KCNIP1: variants seen among roughly 807,000 people sequenced by gnomAD.
KCNIP1 encodes the protein A-type potassium channel modulatory protein KCNIP1.
Under a neutral mutation model 33.0 loss-of-function variants are expected in KCNIP1, and 18 were observed. That is an observed-to-expected ratio of 0.55 (90% CI 0.38 to 0.81). The LOEUF is 0.81. KCNIP1 is among the 30% of genes least tolerant of loss of function. The pLI, the probability that KCNIP1 is intolerant of heterozygous loss-of-function variation, is 0.00. For synonymous variants in KCNIP1, 93 were observed against 98.3 expected, an observed-to-expected ratio of 0.95 and a Z score of 0.32; for missense variants, 238 against 271.6, an observed-to-expected ratio of 0.88 and a Z score of 0.87.
At chr5:170,394,389 C>G (rs1301359463) in intron 1 of KCNIP1, among the ~76,000 whole-genome samples, 1 of 152,156 alleles carries the variant, frequency 6.6e-6, no homozygotes, top group Admixed American at 6.5e-5. Context: ...GGACTGGAAC[C>G]GTTCTTATTC....
intron 1 of KCNIP1, among the ~76,000 whole-genome samples, chr5:170,654,302 G>A (rs1316601215): frequency 3.3e-5 from 5 of 152,180 alleles, no homozygotes. Flanking sequence ...CAGGCACTGT[G>A]CTTCAGGGCC....
At position 170,478,199 on chromosome 5, in the gene KCNIP1, G is replaced by A. The variant is rs527812265; in HGVS notation, c.88+124235G>A. Among the ~76,000 whole-genome samples, 7 of 152,176 alleles carry A rather than the reference G, an allele frequency of 4.6e-5. No individual in the cohort carries two copies. The South Asian group carries it at 1.5e-3, about 32-fold the overall frequency. On this transcript the variant is annotated intron_variant, in intron 1 of 7. Transcript: ENST00000377360. The stretch of plus-strand genomic sequence containing the variant: ...CGGGAAGGGGCAGGTAAAGATTTGG[G>A]GCTTTATCCAAATGGACTTTATTGT...
At chr5:170,493,867 T>C (rs1757256822) in intron 1 of KCNIP1, among the ~76,000 whole-genome samples, 1 of 152,230 alleles carries the variant, frequency 6.6e-6, no homozygotes, top group Non-Finnish European at 1.5e-5. Flanking sequence ...TAGTGCATAC[T>C]CCACTCTCTC....
intron 1 of KCNIP1, among the ~76,000 whole-genome samples, chr5:170,568,097 C>T (rs4867979): frequency 0.36 from 55,196 of 152,052 alleles, 10,752 homozygotes; most frequent in Admixed American, 0.44. Context: ...AAAATGGGAT[C>T]GATAACAGAG....
intron 1 of KCNIP1, among the ~76,000 whole-genome samples, chr5:170,698,740 A>C (rs934104058): frequency 3.9e-5 from 6 of 152,204 alleles, no homozygotes; most frequent in African/African-American, 1.4e-4. Context: ...CAGAAGGTAG[A>C]AAAAGATTGT....
chr5:170,618,622 T>G (rs1428191019), intron 1 of KCNIP1, among the ~76,000 whole-genome samples: 1 of 151,486 alleles, frequency 6.6e-6, no homozygotes, highest in East Asian at 1.9e-4. Flanking sequence ...AAGGGCAATG[T>G]AACTGAGGAG....
chr5:170,600,080 G>A (rs1030652978), intron 1 of KCNIP1, among the ~76,000 whole-genome samples: 1 of 151,890 alleles, frequency 6.6e-6, no homozygotes, highest in African/African-American at 2.4e-5. Context: ...GTTCTCTCAG[G>A]GTCACCCCTT....
chr5:170,380,356 C>T (rs1764190366), intron 1 of KCNIP1, among the ~76,000 whole-genome samples: 1 of 152,232 alleles, frequency 6.6e-6, no homozygotes, highest in African/African-American at 2.4e-5. Context: ...GTGATTCCTT[C>T]ATGCACTTAA....
intron 1 of KCNIP1, among the ~76,000 whole-genome samples, chr5:170,369,431 G>C (rs1284975630): frequency 5.9e-5 from 9 of 152,178 alleles, no homozygotes; most frequent in Admixed American, 5.9e-4. Flanking sequence ...TCCATAAGCT[G>C]CTCATCCCTG....
chr5:170,411,878 G>T (rs1755199966), intron 1 of KCNIP1, among the ~76,000 whole-genome samples: 1 of 152,166 alleles, frequency 6.6e-6, no homozygotes, highest in Admixed American at 6.5e-5. Flanking sequence ...AGAAGAGGGG[G>T]CAGTCTGGGC....
chr5:170,583,339 C>T (rs10462996), intron 1 of KCNIP1, among the ~76,000 whole-genome samples: 11,350 of 152,210 alleles, frequency 0.075, 633 homozygotes, highest in African/African-American at 0.15. Context: ...GCCAATGCTG[C>T]AAAGTTTACT....
chr5:170,537,502 G>A (rs575345664), intron 1 of KCNIP1, among the ~76,000 whole-genome samples: 2 of 152,254 alleles, frequency 1.3e-5, no homozygotes, highest in Admixed American at 1.3e-4. Context: ...TTTGTTCCTT[G>A]TACAAACCCT....
intron 1 of KCNIP1, among the ~76,000 whole-genome samples, chr5:170,687,332 C>T (rs1168947661): frequency 1.3e-5 from 2 of 152,006 alleles, no homozygotes. Context: ...CAGGTGCCCA[C>T]CACCATGCCT....
chr5:170,646,276 A>G (rs1472033419), intron 1 of KCNIP1, among the ~76,000 whole-genome samples: 1 of 152,200 alleles, frequency 6.6e-6, no homozygotes, highest in Non-Finnish European at 1.5e-5. Context: ...CCAAAACCAG[A>G]CAAAGACATC....
Position 170,354,018 on chromosome 5 carries a change from C to T in KCNIP1, c.88+54C>T, listed in dbSNP as rs1240534650. ...TCTGTCTTGATATGGCCTGGCTGGT[C>T]GCATTGCCTCGGTGTGGTGAGCGTG... On this transcript the variant is annotated intron_variant, in intron 1 of 7. Coordinates refer to the KCNIP1 transcript ENST00000377360. The T allele has an allele frequency of 2.1e-5, 31 of 1,495,718 alleles. No homozygotes were observed. The East Asian group carries it at 5.0e-4, about 24-fold the overall frequency. 92.7% of individuals were successfully genotyped at this position (1,495,718 alleles called of 1,614,324 possible). A position where few individuals can be genotyped will look rare whatever the true frequency, so the allele number is the denominator to read the frequency against.
chr5:170,551,927 T>G (rs530825476), intron 1 of KCNIP1, among the ~76,000 whole-genome samples: 1 of 151,890 alleles, frequency 6.6e-6, no homozygotes, highest in South Asian at 2.1e-4. Flanking sequence ...TGAGTACACG[T>G]ATGAATGTGA....
At chr5:170,373,326 C>A (rs947063946) in intron 1 of KCNIP1, among the ~76,000 whole-genome samples, 4 of 152,178 alleles carry the variant, frequency 2.6e-5, no homozygotes, top group African/African-American at 9.7e-5. Flanking sequence ...TGGTGGAGAG[C>A]CTCACATTTC....
intron 1 of KCNIP1, among the ~76,000 whole-genome samples, chr5:170,367,422 GA>G (rs1412618202): frequency 4.1e-5 from 2 of 49,164 alleles, no homozygotes; most frequent in African/African-American, 1.9e-4. Flanking sequence ...AGAAAGAAAG[GA>G]AAGAAAGAAA....
chr5:170,405,764 A>G (rs145994162), intron 1 of KCNIP1, among the ~76,000 whole-genome samples: 2 of 152,348 alleles, frequency 1.3e-5, no homozygotes, highest in African/African-American at 2.4e-5. Context: ...CTCCTGGACC[A>G]GTGATGGTAA....
Sources: gnomAD v4.1 joint callset for allele counts (sites outside exome capture counted in the v4.1 genomes callset) on GRCh38, gnomAD v4.1.1 for gene constraint, MANE v1.5 for transcripts, NCBI Gene and HGNC (gene_info 2026-07-23, HGNC 2026-07-21) for gene names.